The following MUSK variants were observed in gnomAD, a reference collection of about 807,000 sequenced individuals.
MUSK encodes muscle, skeletal receptor tyrosine-protein kinase.
In MUSK, 55 loss-of-function variants were observed where a neutral mutation model predicts 88.7. That is an observed-to-expected ratio of 0.62 (90% CI 0.50 to 0.78). MUSK has a LOEUF of 0.78. Among genes scored for constraint, MUSK ranks in the 30% least tolerant of loss-of-function variants. MUSK has a pLI of 0.00. For synonymous variants in MUSK, 387 were observed against 391.9 expected (o/e 0.99, Z 0.15); for missense variants, 1,015 against 1,074.3 (o/e 0.94, Z 0.77).
At chr9:110,702,585 G>T (rs1055827397) in intron 5 of MUSK, among the ~76,000 whole-genome samples, 2 of 152,072 alleles carry the variant, frequency 1.3e-5, no homozygotes, top group Non-Finnish European at 2.9e-5. Flanking sequence ...AGCACAGTCT[G>T]GGAATTCTCA....
chr9:110,805,084 T>C lies in MUSK; in HGVS notation c.*4096T>C, dbSNP rs2078146173. Among the ~76,000 whole-genome samples the C allele has an allele frequency of 6.6e-6, 1 of 151,990 alleles. No individual in the cohort carries two copies. On this transcript the variant is annotated 3_prime_UTR_variant, in exon 15 of 15. Transcript: ENST00000374448. The stretch of plus-strand genomic sequence containing the variant: ...TTTATCGTAATTGACATAACTATTC[T>C]ACTGTTAGACATTTGGTTTATTTCT...
At chr9:110,734,468 G>C (rs1420693445) in intron 6 of MUSK, 93 bp downstream of exon 6, 2 of 1,523,694 alleles carry the variant, frequency 1.3e-6, no homozygotes, top group Non-Finnish European at 1.8e-6. Context: ...CCAGATCTCT[G>C]TCATTGGTCT....
rs546085799 is a variant in MUSK, at chr9:110,800,357, A to G, written c.1979A>G (p.Tyr660Cys). ...TGCCTGCTCTTTGAATACATGGCCT[A>G]TGGTGACCTCAATGAGTTCCTCCGC... ...PMCLLFEYMA[Y>C]GDLNEFLRSM... The change falls in exon 15 of 15, where the codon TAT (tyrosine) becomes TGT (cysteine). Residue 660 changes from tyrosine (Y) to cysteine (C), a missense_variant. By Grantham distance (194) the Tyr-to-Cys change is radical. Transcript: ENST00000374448. 5 of 1,613,786 alleles carry G rather than the reference A, an allele frequency of 3.1e-6. No individual in the cohort carries two copies. The highest frequency in any genetic ancestry group is 1.1e-5 in the South Asian group (1 of 91,054).
chr9:110,669,385 G>C (rs770131446), intron 1 of MUSK, among the ~76,000 whole-genome samples: 1 of 152,140 alleles, frequency 6.6e-6, no homozygotes, highest in Non-Finnish European at 1.5e-5. Context: ...GACATCCAGA[G>C]CATTTGCTTC....
At chr9:110,742,762 A>G (rs964377819) in intron 6 of MUSK, among the ~76,000 whole-genome samples, 1 of 152,248 alleles carries the variant, frequency 6.6e-6, no homozygotes, top group Non-Finnish European at 1.5e-5. Flanking sequence ...AACAGGAATA[A>G]AACAAACAAA....
intron 6 of MUSK, among the ~76,000 whole-genome samples, chr9:110,736,629 G>A (rs1253289017): frequency 6.6e-6 from 1 of 151,986 alleles, no homozygotes; most frequent in Admixed American, 6.6e-5. Context: ...GCCACTGTAG[G>A]TCTGTTTCTG....
rs2078133468 is a variant in MUSK at position 110,804,346 on chromosome 9, G to A, written c.*3358G>A. Among the ~76,000 whole-genome samples, 1 of 151,978 alleles carries A rather than the reference G, an allele frequency of 6.6e-6. No homozygotes were observed. The highest frequency in any genetic ancestry group is 2.4e-5 in the African/African-American group (1 of 41,416). ...CTTCTGTTATGTGGTTTCATATTCT[G>A]CAGAAATATTACTGCCACTTCTACA... On this transcript the variant is annotated 3_prime_UTR_variant, in exon 15 of 15. Transcript: ENST00000374448.
At chr9:110,733,681 TA>T (rs1356201617) in intron 5 of MUSK, among the ~76,000 whole-genome samples, 1 of 152,000 alleles carries the variant, frequency 6.6e-6, no homozygotes, top group East Asian at 1.9e-4. Flanking sequence ...ATTAATTCAA[TA>T]AAATACTATC....
chr9:110,787,707 C>T lies in MUSK; in HGVS notation c.1796C>T (p.Pro599Leu), dbSNP rs749123073. The T allele has an allele frequency of 6.2e-7, 1 of 1,613,868 alleles. No individual in the cohort carries two copies. The highest frequency in any genetic ancestry group is 2.2e-5 in the East Asian group (1 of 44,882). ...TCTCTCAGGGCACCAGGCTTACTTC[C>T]CTATGAACCTTTCACTATGGTGGCA... ...VFQARAPGLL[P>L]YEPFTMVAVK... Residue 599 changes from proline to leucine, a missense_variant, in exon 14 of 15, where the codon CCC (proline) becomes CTC (leucine). Transcript: ENST00000374448.
At chr9:110,707,548 T>C (rs2076615176) in intron 5 of MUSK, among the ~76,000 whole-genome samples, 1 of 152,198 alleles carries the variant, frequency 6.6e-6, no homozygotes, top group South Asian at 2.1e-4. Flanking sequence ...TGTATCAAGC[T>C]CTTGTTAATT....
intron 9 of MUSK, chr9:110,775,264 G>A (rs1467449944): frequency 6.2e-6 from 1 of 161,316 alleles, no homozygotes; most frequent in Non-Finnish European, 1.3e-5. Flanking sequence ...GGACCCAGAT[G>A]CCCTCCTATA....
intron 6 of MUSK, among the ~76,000 whole-genome samples, chr9:110,740,963 A>G (rs999626669): frequency 1.3e-5 from 2 of 152,190 alleles, no homozygotes; most frequent in Non-Finnish European, 2.9e-5. Flanking sequence ...AGCACAGAAT[A>G]GAATAGTGGC....
chr9:110,767,732 A>C, intron 8 of MUSK, 88 bp from the exon 9 acceptor site: 1 of 1,461,430 alleles, frequency 6.8e-7, no homozygotes, highest in Non-Finnish European at 9.6e-7. Flanking sequence ...TCTGAGACAC[A>C]GATGTGAAAA....
chr9:110,674,872 AAGTG>A (rs1358064633), intron 1 of MUSK, among the ~76,000 whole-genome samples: 1 of 152,060 alleles, frequency 6.6e-6, no homozygotes, highest in Non-Finnish European at 1.5e-5. Context: ...TCGGCCTCAA[AAGTG>A]CTGGGATTAC....
chr9:110,734,262 A>G lies in MUSK; in HGVS notation c.640A>G (p.Ile214Val), dbSNP rs1171418329. 6.2e-7 allele frequency: 1 copy of G among 1,612,292 alleles called. No individual in the cohort carries two copies. Among genetic ancestry groups the G allele is most frequent in the East Asian group, 2.2e-5 (1 of 44,742 alleles). ...TGTCTTCCTAACAGTTTTTGCCAGGATCCTGCGGGCTCCTGAATCCCACAA... is the reference window on the plus strand; with the variant it reads ...TGTCTTCCTAACAGTTTTTGCCAGGGTCCTGCGGGCTCCTGAATCCCACAA... ...VKLEVEVFAR[I>V]LRAPESHNVT... Residue 214 changes from isoleucine to valine, a missense_variant, in exon 6 of 15, where the codon ATC (isoleucine) becomes GTC (valine). Transcript: ENST00000374448.
At chr9:110,714,588 G>A (rs1169389106) in intron 5 of MUSK, among the ~76,000 whole-genome samples, 2 of 152,128 alleles carry the variant, frequency 1.3e-5, no homozygotes, top group African/African-American at 2.4e-5. Context: ...CACCAGGATC[G>A]GGTTTCTTTG....
intron 6 of MUSK, among the ~76,000 whole-genome samples, chr9:110,738,760 T>G (rs1055876749): frequency 3.3e-5 from 5 of 152,174 alleles, no homozygotes; most frequent in African/African-American, 1.2e-4. Flanking sequence ...AAGTTGGCTT[T>G]ATACCTTCTG....
At chr9:110,738,681 G>T (rs1379957276) in intron 6 of MUSK, among the ~76,000 whole-genome samples, 1 of 152,186 alleles carries the variant, frequency 6.6e-6, no homozygotes, top group Admixed American at 6.5e-5. Flanking sequence ...GACCCCAGAA[G>T]GGGTGGGTGG....
At chr9:110,690,139 G>GAAATATATATTTAAGTATAAATATAT (rs2076308223) in intron 3 of MUSK, among the ~76,000 whole-genome samples, 2 of 59,160 alleles carry the variant, frequency 3.4e-5, no homozygotes, top group Non-Finnish European at 5.3e-5. Flanking sequence ...TATAAATATA[G>GAAATATATATTTAAGTATAAATATAT]AAATATATAT....
Sources: allele counts gnomAD v4.1 joint callset (sites outside exome capture counted in the v4.1 genomes callset), GRCh38; gene constraint gnomAD v4.1.1; transcripts MANE v1.5; gene names NCBI Gene and HGNC (gene_info 2026-07-23, HGNC 2026-07-21).